Variants in TCF20 observed in about 807,000 individuals in gnomAD.
TCF20 encodes transcription factor 20.
A neutral mutation model predicts 148.6 loss-of-function variants in TCF20; 3 were observed. The ratio of observed to expected loss-of-function variants is 0.02; its 90% CI spans 0.01 to 0.05. The LOEUF is 0.05. Among genes scored for constraint, TCF20 ranks in the 10% least tolerant of loss-of-function variants. TCF20 has a pLI of 1.00. For missense variants in TCF20, 2,350 were observed against 2,429.3 expected, an observed-to-expected ratio of 0.97 and a Z score of 0.69; for synonymous variants, 1,049 against 909.5, an observed-to-expected ratio of 1.15 and a Z score of -2.76.
chr22:42,211,367 C>T lies in TCF20; in HGVS notation c.3939G>A (p.Lys1313=). ...SHSQDIKSIP[K]RDSSKDLPSP... ...TTGGAAGGTCCTTGGAGGAATCTCT[C>T]TTAGGGATAGACTTGATATCCTGAC... is the stretch of plus-strand genomic sequence containing the variant. Residue 1313 remains lysine (K), a synonymous_variant, in exon 2 of 6, where the codon AAG becomes AAA. Coordinates refer to ENST00000677622, the MANE Select transcript of TCF20 (RefSeq NM_001378418.1). The T allele has an allele frequency of 6.2e-7, 1 of 1,614,168 alleles. No individual in the cohort carries two copies. Among genetic ancestry groups the T allele is most frequent in the Non-Finnish European group, 8.5e-7 (1 of 1,180,028 alleles).
rs373435159 is a variant in TCF20 at position 42,214,412 on chromosome 22, C to A, written c.894G>T (p.Lys298Asn). Residue 298 changes from lysine (K) to asparagine (N), a missense_variant, in exon 2 of 6, where the codon AAG becomes AAT. By Grantham distance (94) the Lys-to-Asn change is moderately conservative. Coordinates refer to ENST00000677622, the MANE Select transcript of TCF20 (RefSeq NM_001378418.1). ...SNYSYQPQSMKNFEQAKIPQG... is the reference protein window; with the variant it reads ...SNYSYQPQSMNNFEQAKIPQG... ...GTGGAATCTTTGCCTGTTCAAAATT[C>A]TTCATAGATTGAGGCTGATAGCTGT... The A allele has an allele frequency of 2.5e-6, 4 of 1,613,928 alleles. No homozygotes were observed. The African/African-American group carries it at 5.3e-5, about 22-fold the overall frequency.
intron 2 of TCF20, among the ~76,000 whole-genome samples, chr22:42,199,706 CAA>C (rs59845847): frequency 0.067 from 2,229 of 33,494 alleles, 22 homozygotes; most frequent in African/African-American, 0.21. Flanking sequence ...CCCATCTCTA[CAA>C]AAAAAAAAAA....
chr22:42,250,118 T>C (rs1925241214), intron 1 of TCF20, among the ~76,000 whole-genome samples: 1 of 152,024 alleles, frequency 6.6e-6, no homozygotes, highest in Non-Finnish European at 1.5e-5. Context: ...ATGGGCAACA[T>C]AGCTAGAAGA....
At chr22:42,309,498 C>A (rs1927494081) in intron 1 of TCF20, among the ~76,000 whole-genome samples, 1 of 152,080 alleles carries the variant, frequency 6.6e-6, no homozygotes, top group Non-Finnish European at 1.5e-5. Flanking sequence ...TTTACTGCTC[C>A]CCTTCTGCCC....
chr22:42,240,717 C>T (rs924774841), intron 1 of TCF20, among the ~76,000 whole-genome samples: 1 of 152,172 alleles, frequency 6.6e-6, no homozygotes, highest in South Asian at 2.1e-4. Flanking sequence ...CAGTAACGCG[C>T]TCCTCACCCC....
chr22:42,190,381 G>A (rs1252906809), intron 2 of TCF20, among the ~76,000 whole-genome samples: 2 of 152,138 alleles, frequency 1.3e-5, no homozygotes, highest in Non-Finnish European at 2.9e-5. Context: ...GACTGCTCAA[G>A]CCCATGAGGT....
chr22:42,288,914 C>T (rs1277916672), upstream of TCF20, among the ~76,000 whole-genome samples: 3 of 152,194 alleles, frequency 2.0e-5, no homozygotes, highest in Non-Finnish European at 4.4e-5. Flanking sequence ...ACACTCCTCC[C>T]TCCACACTGC....
At chr22:42,328,559 G>C (rs1331360469) in intron 1 of TCF20, among the ~76,000 whole-genome samples, 1 of 152,126 alleles carries the variant, frequency 6.6e-6, no homozygotes, top group African/African-American at 2.4e-5. Context: ...TCTAGCTTCA[G>C]ATCACCCAGG....
At position 42,214,883 on chromosome 22, in the gene TCF20, T is replaced by C. The variant is rs753635566; in HGVS notation, c.423A>G (p.Ala141=). ...ACACACCGCCAAGGCCAGAGTGCTG[T>C]GCTTGAAACTGGCCCACATGACCCT... ...GSEGHVGQFQ[A]QHSGLGGVSH... Residue 141 remains alanine (A), a synonymous_variant, in exon 2 of 6, where the codon GCA becomes GCG. Transcript: ENST00000677622. 11 of 1,614,078 alleles carry C rather than the reference T, an allele frequency of 6.8e-6. No homozygotes were observed. Among genetic ancestry groups the C allele is most frequent in the Non-Finnish European group, 9.3e-6 (11 of 1,180,044 alleles).
chr22:42,231,289 C>A (rs1200749263), intron 1 of TCF20, among the ~76,000 whole-genome samples: 2 of 152,080 alleles, frequency 1.3e-5, no homozygotes, highest in African/African-American at 2.4e-5. Flanking sequence ...TTGAGACCAG[C>A]CTGGGCAACA....
chr22:42,286,573 G>C (rs892865074), upstream of TCF20, among the ~76,000 whole-genome samples: 3 of 152,226 alleles, frequency 2.0e-5, no homozygotes, highest in African/African-American at 4.8e-5. Flanking sequence ...GCCGATCCCA[G>C]TTAGCGGCCA....
chr22:42,190,911 T>C (rs977579799), intron 2 of TCF20, among the ~76,000 whole-genome samples: 3 of 152,230 alleles, frequency 2.0e-5, no homozygotes, highest in Non-Finnish European at 4.4e-5. Context: ...GCAGATATGG[T>C]AGGCAGATAT....
In TCF20 at chr22:42,337,242, C is replaced by T. The variant is rs543438373; in HGVS notation, c.-37+6237G>A. 4.6e-5 allele frequency among the ~76,000 whole-genome samples: 7 copies of T among 152,250 alleles called. No homozygotes were observed. The South Asian group carries it at 8.3e-4, about 18-fold the overall frequency. On this transcript the variant is annotated intron_variant, in intron 1 of 1. Transcript: ENST00000515426. ...AAACCCACGCTGCCATCATGCCCTC[C>T]CTGCCACTCCTCTCCCCCTTATCCT... is the stretch of plus-strand genomic sequence containing the variant.
At position 42,211,495 on chromosome 22, in the gene TCF20, G is replaced by T. The variant is rs1176874383; in HGVS notation, c.3811C>A (p.Gln1271Lys). 1.9e-6 allele frequency: 3 copies of T among 1,614,064 alleles called. No homozygotes were observed. The highest frequency in any genetic ancestry group is 2.5e-6 in the Non-Finnish European group (3 of 1,180,042). ...ISPIPSKRQSQDVKNSSTEDK... is the reference protein window; with the variant it reads ...ISPIPSKRQSKDVKNSSTEDK... ...TCAGTGCTACTGTTCTTTACATCTT[G>T]TGACTGTCTCTTACTGGGAATGGGA... Residue 1271 changes from glutamine (Q) to lysine (K), a missense_variant, in exon 2 of 6, where the codon CAA becomes AAA. By Grantham distance (53) the Gln-to-Lys change is moderately conservative. Coordinates refer to ENST00000677622, the MANE Select transcript of TCF20 (RefSeq NM_001378418.1).
chr22:42,222,042 A>G (rs993534263), intron 1 of TCF20, among the ~76,000 whole-genome samples: 3 of 152,084 alleles, frequency 2.0e-5, no homozygotes, highest in African/African-American at 7.2e-5. Context: ...CCGGCCCCAT[A>G]TGGCAAAGGT....
At chr22:42,291,875 G>C (rs186566386) in intron 1 of TCF20, among the ~76,000 whole-genome samples, 5 of 152,010 alleles carry the variant, frequency 3.3e-5, no homozygotes, top group East Asian at 1.9e-4. Flanking sequence ...CTAGCGTGAG[G>C]GGGTGGGGCC....
At chr22:42,308,046 G>A (rs1927466626) in intron 1 of TCF20, among the ~76,000 whole-genome samples, 1 of 152,218 alleles carries the variant, frequency 6.6e-6, no homozygotes, top group Non-Finnish European at 1.5e-5. Context: ...TGGTTTTTAC[G>A]CTATGCATTC....
At position 42,161,103 on chromosome 22, in the gene TCF20, CAT is replaced by C; in HGVS notation, c.*298_*299del. The C allele has an allele frequency of 2.7e-6, 1 of 368,186 alleles. No individual in the cohort carries two copies. Among genetic ancestry groups the C allele is most frequent in the Non-Finnish European group, 5.0e-6 (1 of 201,552 alleles). The allele number at this position is 368,186 out of a possible 1,614,324, so 22.8% of individuals were successfully genotyped here. On this transcript the variant is annotated 3_prime_UTR_variant, in exon 6 of 6. Coordinates refer to ENST00000677622, the MANE Select transcript of TCF20 (RefSeq NM_001378418.1). ...CTTTTAATTCCCCCCACCCTTTCCC[CAT>C]CATCCCACCCCTCCCCCCTCCCCCC...
intron 2 of TCF20, among the ~76,000 whole-genome samples, chr22:42,180,732 TG>T (rs757698763): frequency 1.3e-5 from 2 of 152,210 alleles, no homozygotes; most frequent in African/African-American, 2.4e-5. Flanking sequence ...TCAGACTGAA[TG>T]ATCTCATCCA....
Sources: allele counts gnomAD v4.1 joint callset (sites outside exome capture counted in the v4.1 genomes callset), GRCh38; gene constraint gnomAD v4.1.1; transcripts MANE v1.5; gene names NCBI Gene and HGNC (gene_info 2026-07-23, HGNC 2026-07-21).